The following NAALADL2 variants were observed in gnomAD, a reference collection of about 807,000 sequenced individuals.
NAALADL2 encodes the protein N-acetylated alpha-linked acidic dipeptidase like 2.
A neutral mutation model predicts 87.2 loss-of-function variants in NAALADL2; 76 were observed. The observed-to-expected ratio is 0.87, with a 90% CI of 0.72 to 1.05. NAALADL2 has a LOEUF of 1.05. NAALADL2 is among the 50% of genes least tolerant of loss of function. NAALADL2 has a pLI of 0.00. For synonymous variants in NAALADL2, 354 were observed against 331.0 expected (o/e 1.07, Z -0.75); for missense variants, 1,089 against 945.8 (o/e 1.15, Z -1.99).
chr3:174,775,036 G>C (rs536770300), intron 3 of NAALADL2, among the ~76,000 whole-genome samples: 1 of 152,126 alleles, frequency 6.6e-6, no homozygotes, highest in South Asian at 2.1e-4. Context: ...CACAGTTCCT[G>C]AGTGCCACTG....
chr3:175,715,909 C>A (rs1582992345), intron 11 of NAALADL2, among the ~76,000 whole-genome samples: 1 of 151,468 alleles, frequency 6.6e-6, no homozygotes, highest in African/African-American at 2.4e-5. Flanking sequence ...AAAAGATGGA[C>A]CCTTAAATGT....
chr3:175,130,980 G>A (rs1302582619), intron 2 of NAALADL2, among the ~76,000 whole-genome samples: 1 of 152,106 alleles, frequency 6.6e-6, no homozygotes, highest in Non-Finnish European at 1.5e-5. Context: ...CATTGAATCT[G>A]TCAATGACTT....
chr3:175,564,371 A>C (rs1040688968), intron 9 of NAALADL2, among the ~76,000 whole-genome samples: 1 of 151,880 alleles, frequency 6.6e-6, no homozygotes, highest in Non-Finnish European at 1.5e-5. Flanking sequence ...AAACTGCTTC[A>C]TCTACAGAAG....
intron 9 of NAALADL2, among the ~76,000 whole-genome samples, chr3:175,513,045 A>G (rs543689693): frequency 6.6e-6 from 1 of 152,332 alleles, no homozygotes; most frequent in South Asian, 2.1e-4. Context: ...CTTATTGAAC[A>G]TGCTGTTCTG....
chr3:175,169,640 T>G lies in NAALADL2; in HGVS notation c.546-64291T>G, dbSNP rs190430798. The stretch of plus-strand genomic sequence containing the variant: ...AATTCTGAGTTTTTATCCGTTTTTA[T>G]TTTTTCTTTATTGCCTTTTGCATCC... On this transcript the variant is annotated intron_variant, in intron 2 of 13. Transcript: ENST00000454872. 2.7e-3 allele frequency among the ~76,000 whole-genome samples: 405 copies of G among 151,906 alleles called. 3 individuals carry two copies. The highest frequency in any genetic ancestry group is 9.3e-3 in the African/African-American group (385 of 41,534).
chr3:174,834,600 G>A (rs1223499814), intron 3 of NAALADL2, among the ~76,000 whole-genome samples: 1 of 151,866 alleles, frequency 6.6e-6, no homozygotes, highest in Non-Finnish European at 1.5e-5. Context: ...ATTTAGCAAA[G>A]TCACAAGATT....
intron 2 of NAALADL2, among the ~76,000 whole-genome samples, chr3:175,155,241 A>G (rs1732129732): frequency 6.6e-6 from 1 of 152,132 alleles, no homozygotes; most frequent in Admixed American, 6.6e-5. Context: ...AGAAGAATAT[A>G]AAGTGCAACT....
intron 1 of NAALADL2, among the ~76,000 whole-genome samples, chr3:175,074,750 G>A (rs1247221471): frequency 2.6e-5 from 4 of 151,980 alleles, no homozygotes; most frequent in Non-Finnish European, 5.9e-5. Flanking sequence ...CAGTCTGAGG[G>A]GAGAGTGGAT....
At chr3:175,786,673 A>G (rs1752011167) in intron 13 of NAALADL2, among the ~76,000 whole-genome samples, 1 of 152,196 alleles carries the variant, frequency 6.6e-6, no homozygotes, top group South Asian at 2.1e-4. Flanking sequence ...GAGTAATTTG[A>G]TCGTCTGAAG....
At chr3:175,644,334 GTTC>G (rs1346894409) in intron 11 of NAALADL2, among the ~76,000 whole-genome samples, 2 of 151,710 alleles carry the variant, frequency 1.3e-5, no homozygotes, top group Non-Finnish European at 2.9e-5. Context: ...GTCCTTTGAG[GTTC>G]TTAAATTCCT....
intron 1 of NAALADL2, among the ~76,000 whole-genome samples, chr3:174,932,253 C>T (rs1472208807): frequency 1.3e-5 from 2 of 152,126 alleles, no homozygotes; most frequent in Non-Finnish European, 2.9e-5. Context: ...ATTAACCAGG[C>T]ACCATCAGAT....
intron 2 of NAALADL2, among the ~76,000 whole-genome samples, chr3:174,564,947 TAC>T (rs891450524): frequency 6.6e-6 from 1 of 152,072 alleles, no homozygotes; most frequent in Non-Finnish European, 1.5e-5. Context: ...TATTTATTTT[TAC>T]AGTTTTTTTA....
intron 2 of NAALADL2, among the ~76,000 whole-genome samples, chr3:174,619,033 G>A (rs1018701317): frequency 2.6e-5 from 4 of 151,866 alleles, no homozygotes; most frequent in Non-Finnish European, 5.9e-5. Context: ...TTAATGCAGA[G>A]ATGGTTCAAA....
intron 2 of NAALADL2, among the ~76,000 whole-genome samples, chr3:175,103,571 C>T (rs1476898478): frequency 6.6e-6 from 1 of 152,094 alleles, no homozygotes; most frequent in Non-Finnish European, 1.5e-5. Context: ...GACCTTGCCT[C>T]AGAATCCTTC....
chr3:175,375,164 C>A (rs769132228), intron 5 of NAALADL2, among the ~76,000 whole-genome samples: 1 of 152,068 alleles, frequency 6.6e-6, no homozygotes, highest in Non-Finnish European at 1.5e-5. Flanking sequence ...AGCAATATAA[C>A]CAAATTGATC....
At chr3:175,301,050 A>G (rs1003681197) in intron 4 of NAALADL2, among the ~76,000 whole-genome samples, 3 of 151,988 alleles carry the variant, frequency 2.0e-5, no homozygotes, top group Non-Finnish European at 4.4e-5. Context: ...CCACCACACC[A>G]GGTCTGATTC....
chr3:174,892,345 G>C (rs1181476081), intron 1 of NAALADL2, among the ~76,000 whole-genome samples: 1 of 151,966 alleles, frequency 6.6e-6, no homozygotes, highest in Non-Finnish European at 1.5e-5. Flanking sequence ...AAGAAATTCA[G>C]AATTCTATCC....
intron 4 of NAALADL2, among the ~76,000 whole-genome samples, chr3:175,314,512 G>C (rs1319932103): frequency 7.1e-6 from 1 of 140,730 alleles, no homozygotes; most frequent in Non-Finnish European, 1.5e-5. Flanking sequence ...TAAATGTATT[G>C]TGTCTCAAAT....
chr3:174,459,703 G>A (rs958321947), intron 1 of NAALADL2: 2 of 152,112 alleles, frequency 1.3e-5, no homozygotes, highest in Non-Finnish European at 2.9e-5. Context: ...TCTTCACTTG[G>A]TTGCAGTCTT....
Sources: allele counts gnomAD v4.1 joint callset (sites outside exome capture counted in the v4.1 genomes callset), GRCh38; gene constraint gnomAD v4.1.1; transcripts MANE v1.5; gene names NCBI Gene and HGNC (gene_info 2026-07-23, HGNC 2026-07-21).